The following MKLN1 variants were observed in gnomAD, a reference collection of about 807,000 sequenced individuals.
MKLN1 encodes the protein muskelin.
MKLN1 carries 18 observed loss-of-function variants against 99.0 expected under a neutral mutation model. That is an observed-to-expected ratio of 0.18 (90% CI 0.13 to 0.27). The LOEUF (loss-of-function observed/expected upper bound fraction) is 0.27, where lower values mean the gene tolerates loss of function less well. MKLN1 is among the 10% of genes least tolerant of loss of function. The probability of loss-of-function intolerance (pLI) is 1.00; values close to 1 mark genes in which losing one functional copy is unlikely to be tolerated. For missense variants in MKLN1, 621 were observed against 875.9 expected (o/e 0.71, Z 3.67); for synonymous variants, 288 against 293.2 (o/e 0.98, Z 0.18).
chr7:131,413,750 G>A (rs1042177895), intron 7 of MKLN1, among the ~76,000 whole-genome samples: 1 of 152,104 alleles, frequency 6.6e-6, no homozygotes, highest in African/African-American at 2.4e-5. Flanking sequence ...TATTGGCTAG[G>A]CTGGTCGTGG....
rs143988738 is a variant in MKLN1, at chr7:131,156,447, CAAAAAA to C, written c.-297+13524_-297+13529del. On this transcript the variant is annotated intron_variant, in intron 2 of 7. Coordinates refer to the MKLN1 transcript ENST00000416992. ...TGGGTGACAGAGCAAGACTCTGTCT[CAAAAAA>C]AAAAAAAAAAAAAAAAAGAAAAGTG... Among the ~76,000 whole-genome samples, 15 of 74,670 alleles carry C rather than the reference CAAAAAA, an allele frequency of 2.0e-4. 1 individual carries two copies. Among genetic ancestry groups the C allele is most frequent in the South Asian group, 5.3e-4 (1 of 1,894 alleles). The allele number at this position is 74,670 out of a possible 152,430, so 49.0% of individuals were successfully genotyped here. A position where few individuals can be genotyped will look rare whatever the true frequency, so the allele number is the denominator to read the frequency against.
At chr7:131,317,538 C>A (rs1798692026) in intron 3 of MKLN1, among the ~76,000 whole-genome samples, 1 of 152,086 alleles carries the variant, frequency 6.6e-6, no homozygotes, top group Non-Finnish European at 1.5e-5. Flanking sequence ...TATGAAGAAA[C>A]TGCATCAACT....
At chr7:131,441,599 GACAAA>G (rs774314810) in intron 10 of MKLN1, among the ~76,000 whole-genome samples, 14 of 152,036 alleles carry the variant, frequency 9.2e-5, no homozygotes, top group African/African-American at 1.7e-4. Context: ...GAGTAAAAAT[GACAAA>G]ACAAATCAAA....
At chr7:131,360,870 T>C (rs962469684) in intron 1 of MKLN1, among the ~76,000 whole-genome samples, 2 of 152,174 alleles carry the variant, frequency 1.3e-5, no homozygotes. Flanking sequence ...TTAGGAAGTA[T>C]TTATTTCTCC....
intron 12 of MKLN1, among the ~76,000 whole-genome samples, chr7:131,461,991 C>T (rs1445368550): frequency 1.3e-5 from 2 of 151,980 alleles, no homozygotes; most frequent in Non-Finnish European, 2.9e-5. Context: ...TTAAGCCACT[C>T]AAGGAAACAA....
At chr7:131,251,509 C>T (rs142713035) in intron 3 of MKLN1, among the ~76,000 whole-genome samples, 2 of 152,242 alleles carry the variant, frequency 1.3e-5, no homozygotes, top group African/African-American at 4.8e-5. Flanking sequence ...TGCTGACCTC[C>T]ATCTCCAAGG....
intron 2 of MKLN1, 29 bp from the exon 3 acceptor site, chr7:131,387,091 G>C: frequency 6.4e-7 from 1 of 1,566,606 alleles, no homozygotes; most frequent in Non-Finnish European, 8.6e-7. Context: ...AAACAGAAGA[G>C]GATATAATTT....
chr7:131,398,934 T>C (rs1472445087), intron 5 of MKLN1, among the ~76,000 whole-genome samples: 1 of 152,182 alleles, frequency 6.6e-6, no homozygotes, highest in African/African-American at 2.4e-5. Flanking sequence ...TTTACAGTAT[T>C]AAGTGGAGTT....
chr7:131,192,477 CAAT>C (rs1796581041), intron 2 of MKLN1, among the ~76,000 whole-genome samples: 2 of 125,810 alleles, frequency 1.6e-5, no homozygotes, highest in Non-Finnish European at 1.6e-5. Flanking sequence ...TATAAATATA[CAAT>C]ATATAAATAT....
rs555254616 is a variant in MKLN1, at chr7:131,450,759, C to T, written c.1525+4856C>T. 5.3e-5 allele frequency among the ~76,000 whole-genome samples: 8 copies of T among 152,300 alleles called. No individual in the cohort carries two copies. The South Asian group carries it at 6.2e-4, about 12-fold the overall frequency. On this transcript the variant is annotated intron_variant, in intron 12 of 17. Transcript: ENST00000352689. The stretch of plus-strand genomic sequence containing the variant: ...ACCTCTCAGATCTTAGCTTGTAGAT[C>T]GTTGTCGCCCAAAATTCTCTAATGC...
intron 1 of MKLN1, among the ~76,000 whole-genome samples, chr7:131,357,586 A>C (rs1329067957): frequency 6.6e-6 from 1 of 152,166 alleles, no homozygotes; most frequent in East Asian, 1.9e-4. Context: ...ATGTGGACTC[A>C]GATACTTATT....
At chr7:131,372,130 C>T (rs982825754) in intron 1 of MKLN1, among the ~76,000 whole-genome samples, 1 of 151,932 alleles carries the variant, frequency 6.6e-6, no homozygotes, top group African/African-American at 2.4e-5. Flanking sequence ...ACATTCCCCT[C>T]CCCATATTTA....
chr7:131,208,440 T>A (rs1264186996), intron 3 of MKLN1, among the ~76,000 whole-genome samples: 1 of 151,864 alleles, frequency 6.6e-6, no homozygotes, highest in Non-Finnish European at 1.5e-5. Flanking sequence ...CAAAAAAATA[T>A]AAACAATAGC....
intron 3 of MKLN1, among the ~76,000 whole-genome samples, chr7:131,229,462 G>C (rs1205058827): frequency 6.6e-6 from 1 of 152,180 alleles, no homozygotes; most frequent in Non-Finnish European, 1.5e-5. Context: ...GGGACCAAGG[G>C]CTTTGTTACG....
At chr7:131,482,371 C>A (rs561307659) in intron 17 of MKLN1, among the ~76,000 whole-genome samples, 5 of 151,702 alleles carry the variant, frequency 3.3e-5, no homozygotes, top group African/African-American at 4.8e-5. Context: ...ATTTTTTTTT[C>A]CTTTTTTACA....
chr7:131,432,348 A>G lies in MKLN1; in HGVS notation c.960+3203A>G, dbSNP rs116748294. On this transcript the variant is annotated intron_variant, in intron 9 of 17. Transcript: ENST00000352689. Reference sequence around the variant, plus strand: ...TCCGTTATTTTTTTATACCATATACATATGTTGTAAGTAATATTTATAATG... The same window carrying G: ...TCCGTTATTTTTTTATACCATATACGTATGTTGTAAGTAATATTTATAATG... Among the ~76,000 whole-genome samples the G allele has an allele frequency of 6.7e-3, 1,017 of 152,302 alleles. 10 individuals carry two copies. The highest frequency in any genetic ancestry group is 0.024 in the African/African-American group (986 of 41,550).
chr7:131,126,772 T>G (rs965290021), intron 1 of MKLN1, among the ~76,000 whole-genome samples: 6 of 152,210 alleles, frequency 3.9e-5, no homozygotes, highest in Non-Finnish European at 7.4e-5. Context: ...CAGGCTGGTC[T>G]TGAACTCCTG....
chr7:131,330,580 C>G (rs1799042045), intron 1 of MKLN1, among the ~76,000 whole-genome samples: 1 of 152,158 alleles, frequency 6.6e-6, no homozygotes, highest in Admixed American at 6.5e-5. Context: ...TAGTCAGGCT[C>G]CACAGTCTGT....
intron 1 of MKLN1, among the ~76,000 whole-genome samples, chr7:131,328,993 T>C (rs1239390827): frequency 6.6e-6 from 1 of 152,238 alleles, no homozygotes; most frequent in Non-Finnish European, 1.5e-5. Flanking sequence ...GTGCAGATCC[T>C]GAAGAAAAGT....
Sources: allele counts gnomAD v4.1 joint callset (sites outside exome capture counted in the v4.1 genomes callset), GRCh38; gene constraint gnomAD v4.1.1; transcripts MANE v1.5; gene names NCBI Gene and HGNC (gene_info 2026-07-23, HGNC 2026-07-21).